Variants in SLC5A3 observed in about 807,000 individuals in gnomAD.
SLC5A3 encodes the protein solute carrier family 5 member 3.
SLC5A3 carries 10 observed loss-of-function variants against 43.2 expected under a neutral mutation model. The ratio of observed to expected loss-of-function variants is 0.23; its 90% confidence interval spans 0.14 to 0.39. SLC5A3 has a LOEUF of 0.39. SLC5A3 is among the 10% of genes least tolerant of loss of function. SLC5A3 has a pLI of 1.00. For synonymous variants in SLC5A3, 349 were observed against 322.0 expected (o/e 1.08, Z -0.90); for missense variants, 608 against 893.4 (o/e 0.68, Z 4.07).
Position 34,101,248 on chromosome 21 carries a change from G to A in SLC5A3, c.*3893G>A, listed in dbSNP as rs1295256336. 2 of 1,000,024 alleles carry A rather than the reference G, an allele frequency of 2.0e-6. No homozygotes were observed. The highest frequency in any genetic ancestry group is 2.3e-4 in the East Asian group (2 of 8,826). The allele number at this position is 1,000,024 out of a possible 1,614,324, so 61.9% of individuals were successfully genotyped here. A position where few individuals can be genotyped will look rare whatever the true frequency, so the allele number is the denominator to read the frequency against. ...TAGAATCATTTTCATTAGATTTAGA[G>A]CTTGAAGCACCTTGGCTCTCAGCTA... On this transcript the variant is annotated 3_prime_UTR_variant, in exon 2 of 2. Transcript: ENST00000381151.
Position 34,103,882 on chromosome 21 carries a change from A to T in SLC5A3, c.*6527A>T. On this transcript the variant is annotated 3_prime_UTR_variant, in exon 2 of 2. Coordinates refer to ENST00000381151, the MANE Select transcript of SLC5A3 (RefSeq NM_006933.7). ...TGGGGTTTGAGGGCTTTTTACTGCA[A>T]CTTGAAACTGGAGAAATAGGGACAG... 1 of 1,000,210 alleles carries T rather than the reference A, an allele frequency of 1.0e-6. No individual in the cohort carries two copies. 62.0% of individuals were successfully genotyped at this position (1,000,210 alleles called of 1,614,324 possible).
intron 1 of SLC5A3, among the ~76,000 whole-genome samples, chr21:34,093,103 A>G (rs965943701): frequency 6.6e-6 from 1 of 152,206 alleles, no homozygotes; most frequent in African/African-American, 2.4e-5. Context: ...AAAAATTTAG[A>G]TGATTCGTCC....
At chr21:34,092,108 T>A (rs919063255) in intron 1 of SLC5A3, among the ~76,000 whole-genome samples, 1 of 129,802 alleles carries the variant, frequency 7.7e-6, no homozygotes, top group Admixed American at 8.8e-5. Flanking sequence ...TGTTAACTTC[T>A]TTAAAAGGAA....
In SLC5A3 at chr21:34,096,189, A is replaced by G; in HGVS notation, c.991A>G (p.Ile331Val). The change falls in exon 2 of 2, where the codon ATC (isoleucine) becomes GTC (valine). Residue 331 changes from isoleucine to valine, a missense_variant. Transcript: ENST00000381151. This position sits in a 1 kb window ranked among gnomAD's most constrained non-coding sequence, Gnocchi z 5.9. ...ACTGTTTACTGATGATATAGCTTGC[A>G]TCAACCCAGAGCACTGCATGCTGGT... Reference protein sequence around the residue: ...RILFTDDIACINPEHCMLVCG... With the variant: ...RILFTDDIACVNPEHCMLVCG... 1 of 1,614,196 alleles carries G rather than the reference A, an allele frequency of 6.2e-7. No individual in the cohort carries two copies. The highest frequency in any genetic ancestry group is 8.5e-7 in the Non-Finnish European group (1 of 1,180,014).
chr21:34,092,580 A>G (rs555782347), intron 1 of SLC5A3, among the ~76,000 whole-genome samples: 4 of 152,346 alleles, frequency 2.6e-5, no homozygotes, highest in African/African-American at 9.6e-5. Context: ...TTGAGCATTC[A>G]TCAGGCAGCA....
Position 34,104,297 on chromosome 21 carries a change from G to A in SLC5A3, c.*6942G>A, listed in dbSNP as rs569175374. 7 of 1,000,142 alleles carry A rather than the reference G, an allele frequency of 7.0e-6. No homozygotes were observed. In the South Asian group the frequency reaches 2.8e-4, roughly 40 times the overall value. The allele number at this position is 1,000,142 out of a possible 1,614,324, so 62.0% of individuals were successfully genotyped here. ...CCATTAACCCTCTTCTAGTCTAGATGAGATGAAATCTGTTAATGTGTGTGT... is the reference window on the plus strand; with the variant it reads ...CCATTAACCCTCTTCTAGTCTAGATAAGATGAAATCTGTTAATGTGTGTGT... On this transcript the variant is annotated 3_prime_UTR_variant, in exon 2 of 2. Transcript: ENST00000381151.
Position 34,103,599 on chromosome 21 carries a change from A to G in SLC5A3, c.*6244A>G, listed in dbSNP as rs1979345956. The G allele has an allele frequency of 1.0e-6, 1 of 1,000,148 alleles. No homozygotes were observed. Among genetic ancestry groups the G allele is most frequent in the Non-Finnish European group, 1.2e-6 (1 of 829,900 alleles). 62.0% of individuals were successfully genotyped at this position (1,000,148 alleles called of 1,614,324 possible). On this transcript the variant is annotated 3_prime_UTR_variant, in exon 2 of 2. Transcript: ENST00000381151. ...CAAAATCGTGTTCACACATTAGTGTACCCACACATAGAAAGCACAAGACTA... is the reference window on the plus strand; with the variant it reads ...CAAAATCGTGTTCACACATTAGTGTGCCCACACATAGAAAGCACAAGACTA...
rs1031683487 is a variant in SLC5A3 at position 34,096,629 on chromosome 21, C to T, written c.1431C>T (p.Gly477=). Residue 477 remains glycine, a synonymous_variant, in exon 2 of 2, where the codon GGC becomes GGT. Transcript: ENST00000381151. This position sits in a 1 kb window ranked among gnomAD's most constrained non-coding sequence, Gnocchi z 5.9. Reference sequence around the variant, plus strand: ...GGGCTTTCTATGGTGGAATGGCTGGCTTTGTTCTTGGAGCAGTCCGTTTGA... The same window carrying T: ...GGGCTTTCTATGGTGGAATGGCTGGTTTTGTTCTTGGAGCAGTCCGTTTGA... The part of the protein sequence containing the change: ...EQGAFYGGMA[G]FVLGAVRLIL... 5 of 1,614,006 alleles carry T rather than the reference C, an allele frequency of 3.1e-6. No homozygotes were observed. The African/African-American group carries it at 5.3e-5, about 17-fold the overall frequency.
chr21:34,087,611 G>A (rs182598398), intron 1 of SLC5A3, among the ~76,000 whole-genome samples: 83 of 152,342 alleles, frequency 5.4e-4, no homozygotes, highest in African/African-American at 1.9e-3. Context: ...AGTTACTTTT[G>A]TGCAAAGACG....
chr21:34,076,296 A>T (rs1179459768), intron 1 of SLC5A3, among the ~76,000 whole-genome samples: 2 of 152,046 alleles, frequency 1.3e-5, no homozygotes, highest in Non-Finnish European at 2.9e-5. Flanking sequence ...TTTTGACCCT[A>T]GCTTGACTCC....
chr21:34,093,919 A>C (rs1978839792), intron 1 of SLC5A3, among the ~76,000 whole-genome samples: 1 of 152,112 alleles, frequency 6.6e-6, no homozygotes, highest in African/African-American at 2.4e-5. Flanking sequence ...TGGCGGACAT[A>C]ATAATAAATC....
chr21:34,096,432 A>G lies in SLC5A3; in HGVS notation c.1234A>G (p.Arg412Gly). 6.2e-7 allele frequency: 1 copy of G among 1,614,152 alleles called. No homozygotes were observed. The highest frequency in any genetic ancestry group is 8.5e-7 in the Non-Finnish European group (1 of 1,180,014). ...ASSRELMIVG[R>G]IFVAFMVVIS... The stretch of plus-strand genomic sequence containing the variant: ...CTCCCGGGAGTTAATGATTGTGGGG[A>G]GGATATTTGTGGCATTTATGGTGGT... Residue 412 changes from arginine (R) to glycine (G), a missense_variant, in exon 2 of 2, where the codon AGG becomes GGG. Arg to Gly is a moderately radical substitution (Grantham distance 125). This residue lies in a region of SLC5A3 where 398 missense variants were observed against 668.6 expected (regional missense o/e 0.60). Transcript: ENST00000381151. The surrounding 1 kb of genome is among the most constrained non-coding windows in gnomAD (Gnocchi z 5.9).
intron 1 of SLC5A3, among the ~76,000 whole-genome samples, chr21:34,077,233 A>G (rs1472247426): frequency 6.6e-6 from 1 of 152,246 alleles, no homozygotes; most frequent in African/African-American, 2.4e-5. Context: ...CATGAATGGT[A>G]AAGCCGCATA....
chr21:34,091,851 C>T (rs926666360), intron 1 of SLC5A3, among the ~76,000 whole-genome samples: 10 of 152,284 alleles, frequency 6.6e-5, no homozygotes, highest in African/African-American at 1.9e-4. Context: ...ACTCCCATTA[C>T]AGAAGCTTTT....
rs1231363612 is a variant in SLC5A3 at position 34,098,470 on chromosome 21, T to G, written c.*1115T>G. Reference sequence around the variant, plus strand: ...TTGATAAGTTTTTCCCTGATTTTTTTTTTCCTCAAAAGACTTTCCATCTGT... The same window carrying G: ...TTGATAAGTTTTTCCCTGATTTTTTGTTTCCTCAAAAGACTTTCCATCTGT... On this transcript the variant is annotated 3_prime_UTR_variant, in exon 2 of 2. Coordinates refer to ENST00000381151, the MANE Select transcript of SLC5A3 (RefSeq NM_006933.7). 2 of 1,000,172 alleles carry G rather than the reference T, an allele frequency of 2.0e-6. No individual in the cohort carries two copies. The highest frequency in any genetic ancestry group is 3.5e-5 in the African/African-American group (2 of 57,238). The allele number at this position is 1,000,172 out of a possible 1,614,324, so 62.0% of individuals were successfully genotyped here.
Position 34,099,268 on chromosome 21 carries a change from A to G in SLC5A3, c.*1913A>G. ...TAGAGCTCATCATTTTCTTGTTTGG[A>G]AGTTGAGGCTGCGACATGTCCAAGG... On this transcript the variant is annotated 3_prime_UTR_variant, in exon 2 of 2. Transcript: ENST00000381151. The G allele has an allele frequency of 1.0e-6, 1 of 1,000,064 alleles. No homozygotes were observed. Among genetic ancestry groups the G allele is most frequent in the Non-Finnish European group, 1.2e-6 (1 of 829,946 alleles). The allele number at this position is 1,000,064 out of a possible 1,614,324, so 61.9% of individuals were successfully genotyped here.
At chr21:34,083,041 C>G (rs113862935) in intron 1 of SLC5A3, among the ~76,000 whole-genome samples, 1,750 of 152,296 alleles carry the variant, frequency 0.011, 38 homozygotes, top group South Asian at 0.08. Flanking sequence ...TTTTCTGCTT[C>G]TGCCCCAGAA....
At chr21:34,092,969 A>AACAGCAGTTTTCATTGTAATTGAC (rs968840238) in intron 1 of SLC5A3, among the ~76,000 whole-genome samples, 2 of 152,244 alleles carry the variant, frequency 1.3e-5, no homozygotes, top group Non-Finnish European at 2.9e-5. Context: ...CATAACTGCG[A>AACAGCAGTTTTCATTGTAATTGAC]ACAGCAGTTT....
chr21:34,077,883 A>G (rs1327053675), intron 1 of SLC5A3, among the ~76,000 whole-genome samples: 1 of 152,202 alleles, frequency 6.6e-6, no homozygotes, highest in Non-Finnish European at 1.5e-5. Flanking sequence ...TTTTTTGATT[A>G]GAACACCTGG....
Sources: allele counts gnomAD v4.1 joint callset (sites outside exome capture counted in the v4.1 genomes callset), GRCh38; gene constraint gnomAD v4.1.1; regional missense constraint gnomAD v4.1.1; non-coding constraint Gnocchi (gnomAD v3.1); transcripts MANE v1.5; gene names NCBI Gene and HGNC (gene_info 2026-07-23, HGNC 2026-07-21).